Variants in PTPRD observed in about 807,000 individuals in gnomAD.
PTPRD encodes the protein protein tyrosine phosphatase receptor type D, also known as receptor-type tyrosine-protein phosphatase delta.
Under a neutral mutation model 214.5 loss-of-function variants are expected in PTPRD, and 34 were observed. The ratio of observed to expected loss-of-function variants is 0.16; its 90% CI spans 0.12 to 0.21. The LOEUF is 0.21. PTPRD is among the 10% of genes least tolerant of loss of function. The probability of loss-of-function intolerance (pLI) is 1.00; values close to 1 mark genes in which losing one functional copy is unlikely to be tolerated. For synonymous variants in PTPRD, 1,128 were observed against 845.7 expected (o/e 1.33, Z -5.79); for missense variants, 2,545 against 2,398.7 (o/e 1.06, Z -1.27).
chr9:9,452,895 A>C (rs1265393741), intron 8 of PTPRD, among the ~76,000 whole-genome samples: 1 of 151,576 alleles, frequency 6.6e-6, no homozygotes, highest in Non-Finnish European at 1.5e-5. Flanking sequence ...TAAATCACAA[A>C]ACAAGCACAT....
intron 14 of PTPRD, among the ~76,000 whole-genome samples, chr9:8,608,739 C>T (rs1318697996): frequency 2.0e-5 from 3 of 151,460 alleles, no homozygotes; most frequent in South Asian, 2.1e-4. Context: ...GAAAATGCAC[C>T]GAAAAAAATA....
chr9:9,564,884 G>GGTTTTTT (rs2083968412), intron 8 of PTPRD, among the ~76,000 whole-genome samples: 2 of 48,842 alleles, frequency 4.1e-5, no homozygotes, highest in Non-Finnish European at 7.6e-5. Flanking sequence ...TGAATCTTCT[G>GGTTTTTT]TTTTTTTTTT....
At chr9:10,066,100 T>C (rs832241) in intron 3 of PTPRD, among the ~76,000 whole-genome samples, 39,953 of 151,806 alleles carry the variant, frequency 0.26, 10,510 homozygotes, top group African/African-American at 0.68. Context: ...AGTGAATGGC[T>C]TATTTAGTGG....
At chr9:9,157,823 A>C (rs1402217215) in intron 10 of PTPRD, among the ~76,000 whole-genome samples, 1 of 152,082 alleles carries the variant, frequency 6.6e-6, no homozygotes, top group African/African-American at 2.4e-5. Context: ...CCCATTACCC[A>C]GGTATTAAGC....
chr9:8,726,454 G>A (rs1038489547), intron 12 of PTPRD, among the ~76,000 whole-genome samples: 7 of 149,614 alleles, frequency 4.7e-5, no homozygotes, highest in African/African-American at 9.9e-5. Flanking sequence ...CAAGAAGGCC[G>A]GGTGTGGTGG....
At chr9:9,226,453 G>C (rs181203886) in intron 9 of PTPRD, among the ~76,000 whole-genome samples, 2 of 152,016 alleles carry the variant, frequency 1.3e-5, no homozygotes, top group Admixed American at 6.6e-5. Flanking sequence ...AATCAGTCAG[G>C]ATGATAAAAC....
intron 11 of PTPRD, among the ~76,000 whole-genome samples, chr9:8,883,238 G>A (rs530741192): frequency 5.9e-5 from 9 of 152,280 alleles, no homozygotes; most frequent in Non-Finnish European, 1.2e-4. Context: ...GTTAAATAAT[G>A]TTAACCATGG....
rs36018689 is a variant in PTPRD at position 8,786,402 on chromosome 9, C to CTT, written c.-103-52458_-103-52457dup. Among the ~76,000 whole-genome samples the CTT allele has an allele frequency of 7.8e-3, 520 of 66,990 alleles. 2 individuals are homozygous for CTT. Among genetic ancestry groups the CTT allele is most frequent in the Middle Eastern group, 0.015 (1 of 66 alleles). 43.9% of individuals were successfully genotyped at this position (66,990 alleles called of 152,430 possible). Reference sequence around the variant, plus strand: ...GACAAAAAAGGAAAAGTTTGGAGTTCTTTTTTTTTTTTTTTTTTTTTTTTT... The same window carrying CTT: ...GACAAAAAAGGAAAAGTTTGGAGTTCTTTTTTTTTTTTTTTTTTTTTTTTTTT... On this transcript the variant is annotated intron_variant, in intron 11 of 45. Transcript: ENST00000381196.
At chr9:10,127,905 A>G (rs1240801718) in intron 3 of PTPRD, among the ~76,000 whole-genome samples, 1 of 152,176 alleles carries the variant, frequency 6.6e-6, no homozygotes, top group Admixed American at 6.5e-5. Context: ...TCAGTGGGGT[A>G]TATAGGGTGT....
chr9:8,903,173 T>C (rs1467810763), intron 11 of PTPRD, among the ~76,000 whole-genome samples: 1 of 152,084 alleles, frequency 6.6e-6, no homozygotes, highest in African/African-American at 2.4e-5. Flanking sequence ...AAATTTTATT[T>C]TAGATTCACA....
intron 8 of PTPRD, among the ~76,000 whole-genome samples, chr9:9,537,865 T>G (rs1038334711): frequency 6.6e-6 from 1 of 151,928 alleles, no homozygotes; most frequent in Non-Finnish European, 1.5e-5. Context: ...ATTTACATTT[T>G]AATGAGCTTA....
chr9:8,893,691 A>C lies in PTPRD; in HGVS notation c.-104+125006T>G, dbSNP rs911761096. Reference sequence around the variant, plus strand: ...GGGGGACCTCTTATGCATGTGCACAAGGAAGATATAACCTAAGTGGCCATC... The same window carrying C: ...GGGGGACCTCTTATGCATGTGCACACGGAAGATATAACCTAAGTGGCCATC... On this transcript the variant is annotated intron_variant, in intron 11 of 45. Transcript: ENST00000381196. Among the ~76,000 whole-genome samples the C allele has an allele frequency of 2.0e-5, 3 of 152,296 alleles. No individual in the cohort carries two copies. The East Asian group carries it at 5.8e-4, about 29-fold the overall frequency.
chr9:9,733,373 TTTAAG>T (rs1295720988), intron 7 of PTPRD, among the ~76,000 whole-genome samples: 1 of 152,160 alleles, frequency 6.6e-6, no homozygotes, highest in Non-Finnish European at 1.5e-5. Flanking sequence ...GATATACAAC[TTTAAG>T]TTTTCTGTTT....
intron 9 of PTPRD, among the ~76,000 whole-genome samples, chr9:9,347,386 G>A (rs1207730750): frequency 6.6e-6 from 1 of 151,008 alleles, no homozygotes; most frequent in Non-Finnish European, 1.5e-5. Context: ...TACAGATTAT[G>A]TTCTTTTAAC....
chr9:9,519,660 A>C (rs897169035), intron 8 of PTPRD, among the ~76,000 whole-genome samples: 1 of 152,036 alleles, frequency 6.6e-6, no homozygotes, highest in African/African-American at 2.4e-5. Context: ...TATGCAAAAT[A>C]ACTACAAATA....
At position 9,209,695 on chromosome 9, in the gene PTPRD, T is replaced by C. The variant is rs545548821; in HGVS notation, c.-202-26332A>G. On this transcript the variant is annotated intron_variant, in intron 9 of 45. Coordinates refer to ENST00000381196, the MANE Select transcript of PTPRD (RefSeq NM_002839.4). ...AGTTGATTATTGTTGAAGTGGGTGA[T>C]GGCCTCAGAAAGAATTCATTATACT... Among the ~76,000 whole-genome samples the C allele has an allele frequency of 4.6e-5, 7 of 152,332 alleles. No homozygotes were observed. The South Asian group carries it at 1.0e-3, about 23-fold the overall frequency.
intron 3 of PTPRD, among the ~76,000 whole-genome samples, chr9:10,106,410 G>C (rs294873): frequency 6.6e-6 from 1 of 151,046 alleles, no homozygotes; most frequent in Non-Finnish European, 1.5e-5. Flanking sequence ...ACTTAACCTG[G>C]AAGTTTTGGC....
intron 7 of PTPRD, among the ~76,000 whole-genome samples, chr9:9,678,543 T>G (rs548501473): frequency 3.3e-5 from 5 of 151,964 alleles, no homozygotes; most frequent in African/African-American, 1.2e-4. Context: ...GTATTTTTAT[T>G]AGATACCTCA....
intron 5 of PTPRD, among the ~76,000 whole-genome samples, chr9:9,893,091 A>T (rs886210320): frequency 2.6e-5 from 4 of 152,080 alleles, no homozygotes; most frequent in Non-Finnish European, 4.4e-5. Context: ...AGAGTGCTTC[A>T]GGCCTGAGAT....
Sources: allele counts gnomAD v4.1 joint callset (sites outside exome capture counted in the v4.1 genomes callset), GRCh38; gene constraint gnomAD v4.1.1; transcripts MANE v1.5; gene names NCBI Gene and HGNC (gene_info 2026-07-23, HGNC 2026-07-21).